Variants in LRCH1 observed in about 807,000 individuals in gnomAD.
LRCH1 encodes leucine rich repeats and calponin homology domain containing 1.
Under a neutral mutation model 94.9 loss-of-function variants are expected in LRCH1, and 23 were observed. The ratio of observed to expected loss-of-function variants is 0.24; its 90% confidence interval spans 0.17 to 0.34. The LOEUF (loss-of-function observed/expected upper bound fraction) is 0.34, where lower values mean the gene tolerates loss of function less well. Ranked by LOEUF, LRCH1 falls within the 10% of genes least tolerant of loss-of-function variation. The probability of loss-of-function intolerance (pLI) is 1.00; values close to 1 mark genes in which losing one functional copy is unlikely to be tolerated. For synonymous variants in LRCH1, 364 were observed against 354.9 expected, an observed-to-expected ratio of 1.03 and a Z score of -0.29; for missense variants, 790 against 945.9, an observed-to-expected ratio of 0.84 and a Z score of 2.16.
chr13:46,683,646 G>T lies in LRCH1; in HGVS notation c.685+1800G>T, dbSNP rs187939832. Among the ~76,000 whole-genome samples, 64 of 152,220 alleles carry T rather than the reference G, an allele frequency of 4.2e-4. No homozygotes were observed. The East Asian group carries it at 6.4e-3, about 15-fold the overall frequency. ...CATTTTCAAAAGGAAAAATTAATTTGATCATTTTGCAATTGCCTGTCATAG... is the reference window on the plus strand; with the variant it reads ...CATTTTCAAAAGGAAAAATTAATTTTATCATTTTGCAATTGCCTGTCATAG... On this transcript the variant is annotated intron_variant, in intron 4 of 19. Transcript: ENST00000389797.
chr13:46,639,375 C>T (rs141518528), intron 1 of LRCH1, among the ~76,000 whole-genome samples: 37 of 152,310 alleles, frequency 2.4e-4, no homozygotes, highest in African/African-American at 7.9e-4. Flanking sequence ...TCCGAAATTA[C>T]TCACCTTGTA....
intron 14 of LRCH1, 91 bp downstream of exon 14, chr13:46,711,935 GATTA>G (rs1156548338): frequency 2.2e-5 from 21 of 953,960 alleles, no homozygotes; most frequent in Middle Eastern, 2.3e-4. Flanking sequence ...TAAGACTTGT[GATTA>G]ATTAATTAAT....
intron 1 of LRCH1, among the ~76,000 whole-genome samples, chr13:46,593,186 A>G (rs1566163773): frequency 6.6e-6 from 1 of 151,886 alleles, no homozygotes; most frequent in Non-Finnish European, 1.5e-5. Context: ...CCATTTACTC[A>G]GTACTAAAGT....
At chr13:46,680,950 T>G (rs1185434491) in intron 3 of LRCH1, among the ~76,000 whole-genome samples, 1 of 152,064 alleles carries the variant, frequency 6.6e-6, no homozygotes, top group East Asian at 1.9e-4. Context: ...TGGGGGTGTG[T>G]GGGGGAGTGA....
At chr13:46,614,438 C>G (rs1372703128) in intron 1 of LRCH1, among the ~76,000 whole-genome samples, 4 of 152,074 alleles carry the variant, frequency 2.6e-5, no homozygotes, top group African/African-American at 9.7e-5. Flanking sequence ...TCACAAATAC[C>G]TGCCAAACAA....
chr13:46,562,762 A>G (rs1417522789), intron 1 of LRCH1, among the ~76,000 whole-genome samples: 1 of 152,186 alleles, frequency 6.6e-6, no homozygotes, highest in Non-Finnish European at 1.5e-5. Flanking sequence ...CAGGAGGCCC[A>G]AGACAGGTCT....
chr13:46,703,171 T>G (rs2138184210), intron 11 of LRCH1, among the ~76,000 whole-genome samples: 1 of 152,260 alleles, frequency 6.6e-6, no homozygotes, highest in South Asian at 2.1e-4. Flanking sequence ...CATGCATGTG[T>G]ATGGTTGTTC....
chr13:46,627,827 T>G (rs1335234028), intron 1 of LRCH1, among the ~76,000 whole-genome samples: 3 of 152,234 alleles, frequency 2.0e-5, no homozygotes, highest in Non-Finnish European at 4.4e-5. Flanking sequence ...TGGATCCGTG[T>G]AATTTCTCTG....
At chr13:46,613,444 C>T (rs1039531361) in intron 1 of LRCH1, among the ~76,000 whole-genome samples, 7 of 152,086 alleles carry the variant, frequency 4.6e-5, no homozygotes, top group Admixed American at 4.6e-4. Context: ...CTGCTCCTTC[C>T]CCATCAGCCA....
chr13:46,635,030 A>C (rs1294592508), intron 1 of LRCH1, among the ~76,000 whole-genome samples: 1 of 152,212 alleles, frequency 6.6e-6, no homozygotes, highest in Non-Finnish European at 1.5e-5. Flanking sequence ...TATTATCTCC[A>C]TAAGGATTGG....
At chr13:46,647,046 G>C (rs939590660) in intron 1 of LRCH1, among the ~76,000 whole-genome samples, 1 of 151,300 alleles carries the variant, frequency 6.6e-6, no homozygotes, top group Admixed American at 6.6e-5. Flanking sequence ...CCAGGAGATG[G>C]AGGTTGCAGT....
chr13:46,666,459 C>A (rs889605397), intron 2 of LRCH1, among the ~76,000 whole-genome samples: 9 of 152,178 alleles, frequency 5.9e-5, no homozygotes, highest in Non-Finnish European at 1.3e-4. Flanking sequence ...ATCCCTGCAC[C>A]AACTAGTGAG....
intron 16 of LRCH1, 49 bp downstream of exon 16, chr13:46,715,713 G>T: frequency 9.3e-7 from 1 of 1,077,248 alleles, no homozygotes. Flanking sequence ...ATAAGCCAAT[G>T]CGTATACTGA....
chr13:46,683,085 A>G lies in LRCH1; in HGVS notation c.685+1239A>G, dbSNP rs144376519. On this transcript the variant is annotated intron_variant, in intron 4 of 19. Coordinates refer to ENST00000389797, the MANE Select transcript of LRCH1 (RefSeq NM_001164211.2). The stretch of plus-strand genomic sequence containing the variant: ...TAGACATAGCTGATTTCAAACATAT[A>G]TTTAAAAATATTTCTCAAAGCAAAA... Among the ~76,000 whole-genome samples, 595 of 152,346 alleles carry G rather than the reference A, an allele frequency of 3.9e-3. 2 individuals are homozygous for G. The highest frequency in any genetic ancestry group is 0.014 in the African/African-American group (577 of 41,580).
chr13:46,661,107 C>T (rs577478074), intron 2 of LRCH1, among the ~76,000 whole-genome samples: 12 of 152,220 alleles, frequency 7.9e-5, no homozygotes, highest in African/African-American at 2.6e-4. Flanking sequence ...TCTGTGCCCT[C>T]CTTCCACTGT....
chr13:46,632,110 G>A (rs571818616), intron 1 of LRCH1, among the ~76,000 whole-genome samples: 1 of 152,236 alleles, frequency 6.6e-6, no homozygotes, highest in South Asian at 2.1e-4. Flanking sequence ...GGCTGAGGCA[G>A]CAGAATTGTT....
intron 2 of LRCH1, among the ~76,000 whole-genome samples, chr13:46,656,399 A>C (rs2051369963): frequency 6.6e-6 from 1 of 152,222 alleles, no homozygotes; most frequent in African/African-American, 2.4e-5. Context: ...AGTTTTGTTC[A>C]ATTCGATAAA....
Position 46,742,901 on chromosome 13 carries a change from A to AT in LRCH1, c.*1054dup, listed in dbSNP as rs1161178005. On this transcript the variant is annotated 3_prime_UTR_variant, in exon 20 of 20. Coordinates refer to ENST00000389797, the MANE Select transcript of LRCH1 (RefSeq NM_001164211.2). ...TTCATTTAGCCTTTGATTTTCACTG[A>AT]TATTAACTAGCAAACTGCTTTAAGT... 14 of 985,056 alleles carry AT rather than the reference A, an allele frequency of 1.4e-5. No homozygotes were observed. Among genetic ancestry groups the AT allele is most frequent in the African/African-American group, 1.7e-5 (1 of 57,228 alleles). The allele number at this position is 985,056 out of a possible 1,614,324, so 61.0% of individuals were successfully genotyped here.
intron 7 of LRCH1, among the ~76,000 whole-genome samples, chr13:46,690,013 T>G (rs537397255): frequency 6.6e-6 from 1 of 152,218 alleles, no homozygotes; most frequent in African/African-American, 2.4e-5. Context: ...GAAATTGCAG[T>G]TAATAGGCCA....
Sources: allele counts gnomAD v4.1 joint callset (sites outside exome capture counted in the v4.1 genomes callset), GRCh38; gene constraint gnomAD v4.1.1; transcripts MANE v1.5; gene names NCBI Gene and HGNC (gene_info 2026-07-23, HGNC 2026-07-21).